The following SHCBP1L variants were observed in gnomAD, a reference collection of about 807,000 sequenced individuals.
SHCBP1L encodes the protein SHC binding and spindle associated 1 like.
In SHCBP1L, 67 loss-of-function variants were observed where a neutral mutation model predicts 62.5. The observed-to-expected ratio is 1.07, with a 90% CI of 0.88 to 1.31. SHCBP1L has a LOEUF of 1.31. SHCBP1L is among the 40% of genes most tolerant of loss of function. The pLI is 0.00. For missense variants in SHCBP1L, 823 were observed against 809.8 expected, an observed-to-expected ratio of 1.02 and a Z score of -0.20; for synonymous variants, 284 against 289.4, an observed-to-expected ratio of 0.98 and a Z score of 0.19.
intron 8 of SHCBP1L, 96 bp from the exon 9 acceptor site, chr1:182,903,257 C>T: frequency 9.2e-7 from 1 of 1,087,248 alleles, no homozygotes; most frequent in Non-Finnish European, 1.2e-6. Flanking sequence ...TGTATTACCA[C>T]TATAAACATT....
chr1:182,921,894 A>G (rs1650539783), intron 6 of SHCBP1L, among the ~76,000 whole-genome samples: 3 of 152,196 alleles, frequency 2.0e-5, no homozygotes, highest in Non-Finnish European at 4.4e-5. Context: ...TTCCAAAAAA[A>G]AGAAATCCAT....
chr1:182,911,580 T>C (rs1475626886), intron 6 of SHCBP1L, among the ~76,000 whole-genome samples: 1 of 152,170 alleles, frequency 6.6e-6, no homozygotes, highest in African/African-American at 2.4e-5. Context: ...CTGTTTTAAG[T>C]GTGCACAAAG....
rs781421841 is a variant in SHCBP1L at position 182,939,166 on chromosome 1, AAATT to A, written c.1076+6_1076+9del. 8 of 1,598,120 alleles carry A rather than the reference AAATT, an allele frequency of 5.0e-6. No individual in the cohort carries two copies. The highest frequency in any genetic ancestry group is 6.8e-6 in the Non-Finnish European group (8 of 1,172,114). ...CTTTTGCTTCTATTTGAAATAGAGCAAATTATTACCGGAGGCGTAAATCTTCCCA... is the reference window on the plus strand; with the variant it reads ...CTTTTGCTTCTATTTGAAATAGAGCAATTACCGGAGGCGTAAATCTTCCCA... On this transcript the variant is annotated splice_donor_region_variant and intron_variant, in intron 5 of 9. Transcript: ENST00000367547.
chr1:182,916,710 A>G (rs1268169125), intron 6 of SHCBP1L, among the ~76,000 whole-genome samples: 1 of 152,228 alleles, frequency 6.6e-6, no homozygotes, highest in Non-Finnish European at 1.5e-5. Flanking sequence ...AAATCTGAAC[A>G]GACCTGTAAC....
chr1:182,907,298 T>G (rs1366883345), intron 6 of SHCBP1L, among the ~76,000 whole-genome samples: 1 of 151,078 alleles, frequency 6.6e-6, no homozygotes, highest in African/African-American at 2.4e-5. Flanking sequence ...CCAGGCATGG[T>G]GGTACATGCC....
At chr1:182,949,159 C>T (rs1006079941) in intron 2 of SHCBP1L, among the ~76,000 whole-genome samples, 135 of 151,944 alleles carry the variant, frequency 8.9e-4, no homozygotes, top group African/African-American at 3.1e-3. Flanking sequence ...AGTATAGGGG[C>T]TATCATGAGG....
rs1651822976 is a variant in SHCBP1L at position 182,952,774 on chromosome 1, G to A, written c.360C>T (p.Asp120=). 6.2e-7 allele frequency: 1 copy of A among 1,611,684 alleles called. No individual in the cohort carries two copies. Among genetic ancestry groups the A allele is most frequent in the African/African-American group, 1.3e-5 (1 of 74,530 alleles). The change falls in exon 1 of 10, where the codon GAC becomes GAT. Residue 120 remains aspartate (D), a synonymous_variant. Transcript: ENST00000367547. ...CGTCGCAATACAGCGACACCTTCTC[G>A]TCCCGCCACATCCCCCTCATACGGG... The part of the protein sequence containing the change: ...CVSRMRGMWR[D]EKVSLYCDEV...
At chr1:182,910,173 A>T (rs1179164887) in intron 6 of SHCBP1L, among the ~76,000 whole-genome samples, 2 of 152,218 alleles carry the variant, frequency 1.3e-5, no homozygotes. Context: ...AGTTGGCAAA[A>T]ACTATGGAAT....
At chr1:182,939,933 A>G (rs981201797) in intron 3 of SHCBP1L, among the ~76,000 whole-genome samples, 1 of 152,174 alleles carries the variant, frequency 6.6e-6, no homozygotes, top group African/African-American at 2.4e-5. Flanking sequence ...CTCAAATTGT[A>G]TCAACTTATA....
chr1:182,946,212 T>C (rs1417798547), intron 2 of SHCBP1L, among the ~76,000 whole-genome samples: 1 of 152,108 alleles, frequency 6.6e-6, no homozygotes, highest in African/African-American at 2.4e-5. Context: ...GGACACTAAG[T>C]GGGCCCTTTC....
Position 182,899,930 on chromosome 1 carries a change from C to T in SHCBP1L, c.*53G>A, listed in dbSNP as rs1215345617. ...TACCATTTCAGTGGGGTATGAGAATCATGTATTAAACAAATTTGTGAAATA... is the reference window on the plus strand; with the variant it reads ...TACCATTTCAGTGGGGTATGAGAATTATGTATTAAACAAATTTGTGAAATA... On this transcript the variant is annotated 3_prime_UTR_variant, in exon 10 of 10. Coordinates refer to ENST00000367547, the MANE Select transcript of SHCBP1L (RefSeq NM_030933.4). 2.1e-6 allele frequency: 3 copies of T among 1,460,816 alleles called. No homozygotes were observed. Among genetic ancestry groups the T allele is most frequent in the Non-Finnish European group, 2.7e-6 (3 of 1,093,584 alleles). The allele number at this position is 1,460,816 out of a possible 1,614,324, so 90.5% of individuals were successfully genotyped here.
intron 6 of SHCBP1L, among the ~76,000 whole-genome samples, chr1:182,906,027 C>T (rs983411901): frequency 2.6e-5 from 4 of 152,138 alleles, no homozygotes; most frequent in South Asian, 2.1e-4. Flanking sequence ...CCCTGCCTCC[C>T]GGATTCAAGC....
chr1:182,924,675 A>AGAAAGGAAAG lies in SHCBP1L; in HGVS notation c.1182+4962_1182+4971dup, dbSNP rs140771329. On this transcript the variant is annotated intron_variant, in intron 6 of 9. Coordinates refer to ENST00000367547, the MANE Select transcript of SHCBP1L (RefSeq NM_030933.4). ...AGTGCTATTCCGATCCAACTACAAA[A>AGAAAGGAAAG]GAAAGGAAAGGAAAGGAAAGGAAAG... is the stretch of plus-strand genomic sequence containing the variant. Among the ~76,000 whole-genome samples, 398 of 93,920 alleles carry AGAAAGGAAAG rather than the reference A, an allele frequency of 4.2e-3. 27 individuals are homozygous for AGAAAGGAAAG. Among genetic ancestry groups the AGAAAGGAAAG allele is most frequent in the African/African-American group, 0.015 (311 of 20,410 alleles). 61.6% of individuals were successfully genotyped at this position (93,920 alleles called of 152,430 possible). A position where few individuals can be genotyped will look rare whatever the true frequency, so the allele number is the denominator to read the frequency against.
At chr1:182,915,161 C>CAAAAAAAAAAAAAAA (rs371432299) in intron 6 of SHCBP1L, among the ~76,000 whole-genome samples, 4 of 31,890 alleles carry the variant, frequency 1.3e-4, no homozygotes, top group African/African-American at 2.4e-4. Flanking sequence ...GACTCTGTCT[C>CAAAAAAAAAAAAAAA]AAAAAAAAAA....
chr1:182,930,598 CATATATACAT>C (rs1650949750), intron 5 of SHCBP1L, among the ~76,000 whole-genome samples: 1 of 63,916 alleles, frequency 1.6e-5, no homozygotes, highest in African/African-American at 5.0e-5. Flanking sequence ...TATATATACA[CATATATACAT>C]ATATATATAT....
chr1:182,928,642 A>G (rs1650859980), intron 6 of SHCBP1L, among the ~76,000 whole-genome samples: 1 of 152,172 alleles, frequency 6.6e-6, no homozygotes, highest in Admixed American at 6.5e-5. Flanking sequence ...GATGAGAAAT[A>G]TGAACAAGAT....
At chr1:182,929,578 C>T in intron 6 of SHCBP1L, 69 bp downstream of exon 6, 3 of 988,736 alleles carry the variant, frequency 3.0e-6, no homozygotes, top group Non-Finnish European at 4.4e-6. Flanking sequence ...ACTCCACCCT[C>T]AGGGAGCTTC....
intron 2 of SHCBP1L, among the ~76,000 whole-genome samples, chr1:182,945,469 A>C (rs1280915983): frequency 6.6e-6 from 1 of 152,062 alleles, no homozygotes; most frequent in Non-Finnish European, 1.5e-5. Flanking sequence ...AGCTGTTATC[A>C]CTTTGCCATC....
At chr1:182,950,071 C>T (rs554611917) in intron 2 of SHCBP1L, among the ~76,000 whole-genome samples, 2 of 152,296 alleles carry the variant, frequency 1.3e-5, no homozygotes, top group East Asian at 1.9e-4. Flanking sequence ...GCGTGAGCCA[C>T]CACGCCCAGC....
Sources: gnomAD v4.1 joint callset for allele counts (sites outside exome capture counted in the v4.1 genomes callset) on GRCh38, gnomAD v4.1.1 for gene constraint, MANE v1.5 for transcripts, NCBI Gene and HGNC (gene_info 2026-07-23, HGNC 2026-07-21) for gene names.